ATP2B2: variants seen among roughly 807,000 people sequenced by gnomAD.
ATP2B2 encodes plasma membrane calcium-transporting ATPase 2.
A neutral mutation model predicts 120.0 loss-of-function variants in ATP2B2; 15 were observed. The observed-to-expected ratio is 0.12, with a 90% CI of 0.08 to 0.19. The LOEUF is 0.19. Among genes scored for constraint, ATP2B2 ranks in the 10% least tolerant of loss-of-function variants. The probability of loss-of-function intolerance (pLI) is 1.00; values close to 1 mark genes in which losing one functional copy is unlikely to be tolerated. For missense variants in ATP2B2, 1,045 were observed against 1,719.8 expected, an observed-to-expected ratio of 0.61 and a Z score of 6.94; for synonymous variants, 694 against 700.3, an observed-to-expected ratio of 0.99 and a Z score of 0.14.
intron 22 of ATP2B2, among the ~76,000 whole-genome samples, chr3:10,337,712 G>A (rs963050236): frequency 5.3e-5 from 8 of 152,082 alleles, no homozygotes; most frequent in African/African-American, 1.9e-4. Flanking sequence ...GGAAGCTGGG[G>A]AGAGCAACTG....
intron 1 of ATP2B2, among the ~76,000 whole-genome samples, chr3:10,461,766 T>C (rs772445503): frequency 1.3e-5 from 2 of 152,166 alleles, no homozygotes; most frequent in Non-Finnish European, 2.9e-5. Context: ...GGTTTTGGGT[T>C]CTAAAGTCCT....
intron 2 of ATP2B2, among the ~76,000 whole-genome samples, chr3:10,552,942 CTAACAT>C (rs2067700666): frequency 6.6e-6 from 1 of 152,202 alleles, no homozygotes; most frequent in African/African-American, 2.4e-5. Flanking sequence ...GAAGTGGGAG[CTAACAT>C]CTCCATTTCG....
intron 1 of ATP2B2, among the ~76,000 whole-genome samples, chr3:10,501,963 A>G (rs1431314245): frequency 6.6e-6 from 1 of 152,220 alleles, no homozygotes. Context: ...GGTAGGGCCC[A>G]GAAATCTGCC....
chr3:10,419,484 G>A (rs1234714453), intron 2 of ATP2B2, among the ~76,000 whole-genome samples: 6 of 152,190 alleles, frequency 3.9e-5, no homozygotes, highest in African/African-American at 1.4e-4. Flanking sequence ...CTGTGTTGCC[G>A]CTGTCTTAGC....
intron 1 of ATP2B2, among the ~76,000 whole-genome samples, chr3:10,706,655 C>T (rs2071900830): frequency 6.6e-6 from 1 of 152,208 alleles, no homozygotes; most frequent in Non-Finnish European, 1.5e-5. Context: ...ATTACACCAG[C>T]TGGTAGCCAA....
At chr3:10,675,137 T>C (rs1177622718) in intron 1 of ATP2B2, among the ~76,000 whole-genome samples, 1 of 152,218 alleles carries the variant, frequency 6.6e-6, no homozygotes, top group Non-Finnish European at 1.5e-5. Flanking sequence ...TTGCTTGTAG[T>C]AAACATTTTA....
intron 1 of ATP2B2, among the ~76,000 whole-genome samples, chr3:10,627,952 A>G (rs2069752002): frequency 1.3e-5 from 2 of 152,208 alleles, no homozygotes; most frequent in Admixed American, 1.3e-4. Flanking sequence ...GGCCAGGGTC[A>G]TCAGGGAGGC....
At chr3:10,438,558 G>A (rs1450741071) in intron 2 of ATP2B2, among the ~76,000 whole-genome samples, 1 of 152,200 alleles carries the variant, frequency 6.6e-6, no homozygotes, top group East Asian at 1.9e-4. Context: ...GGGTCCTAGG[G>A]AGCCATCGGC....
intron 4 of ATP2B2, among the ~76,000 whole-genome samples, chr3:10,401,731 T>C (rs1000336163): frequency 1.3e-5 from 2 of 152,240 alleles, no homozygotes; most frequent in African/African-American, 4.8e-5. Flanking sequence ...ATAGGTTTCA[T>C]CTAATAAACC....
intron 2 of ATP2B2, among the ~76,000 whole-genome samples, chr3:10,411,815 A>G (rs896122581): frequency 2.0e-5 from 3 of 152,140 alleles, no homozygotes; most frequent in Admixed American, 6.5e-5. Context: ...TGCAGCTGAC[A>G]CTGGTACTTT....
intron 3 of ATP2B2, among the ~76,000 whole-genome samples, chr3:10,527,474 G>C (rs1159944803): frequency 6.6e-6 from 1 of 152,198 alleles, no homozygotes; most frequent in Non-Finnish European, 1.5e-5. Context: ...TCTGGAGGGA[G>C]CACTCCTATG....
chr3:10,335,918 T>C (rs1291613997), intron 22 of ATP2B2, among the ~76,000 whole-genome samples: 2 of 152,164 alleles, frequency 1.3e-5, no homozygotes, highest in South Asian at 2.1e-4. Flanking sequence ...CTAATGACCC[T>C]CTGACTGACC....
chr3:10,703,262 C>T (rs2071847068), intron 1 of ATP2B2, among the ~76,000 whole-genome samples: 1 of 152,304 alleles, frequency 6.6e-6, no homozygotes, highest in African/African-American at 2.4e-5. Flanking sequence ...TGCCCTTTCT[C>T]CTCCTGGGAG....
chr3:10,695,251 G>GGAGGGAGA (rs60247955), intron 1 of ATP2B2, among the ~76,000 whole-genome samples: 6 of 126,910 alleles, frequency 4.7e-5, no homozygotes, highest in African/African-American at 6.8e-5. Context: ...AGGGAGGGAG[G>GGAGGGAGA]GAGAGAGAGA....
At chr3:10,507,920 C>A (rs2066679376), upstream of ATP2B2, among the ~76,000 whole-genome samples, 1 of 116,530 alleles carries the variant, frequency 8.6e-6, no homozygotes, top group Non-Finnish European at 2.0e-5. Context: ...AAGCCCAGGG[C>A]TGCCTGCATG....
intron 2 of ATP2B2, among the ~76,000 whole-genome samples, chr3:10,610,964 G>C (rs893622361): frequency 6.6e-6 from 1 of 152,166 alleles, no homozygotes; most frequent in African/African-American, 2.4e-5. Flanking sequence ...TGCCCGGCTG[G>C]GCTCGCTGAC....
intron 3 of ATP2B2, among the ~76,000 whole-genome samples, chr3:10,517,912 A>G (rs1222166712): frequency 6.6e-6 from 1 of 152,166 alleles, no homozygotes; most frequent in East Asian, 1.9e-4. Flanking sequence ...GGATGACCTC[A>G]CACAGTGTGG....
chr3:10,560,720 C>T (rs1055279720), intron 2 of ATP2B2, among the ~76,000 whole-genome samples: 7 of 152,202 alleles, frequency 4.6e-5, no homozygotes, highest in African/African-American at 1.7e-4. Context: ...TCCAGGACTG[C>T]CCCCTGTGAT....
intron 1 of ATP2B2, among the ~76,000 whole-genome samples, chr3:10,663,473 AG>A (rs2070842783): frequency 6.6e-6 from 1 of 152,112 alleles, no homozygotes; most frequent in African/African-American, 2.4e-5. Context: ...CCTGATGCTG[AG>A]GGGGAGCTCT....
Sources: allele counts gnomAD v4.1 joint callset (sites outside exome capture counted in the v4.1 genomes callset), GRCh38; gene constraint gnomAD v4.1.1; transcripts MANE v1.5; gene names NCBI Gene and HGNC (gene_info 2026-07-23, HGNC 2026-07-21).